Variants in FBXO31 observed in about 807,000 individuals in gnomAD.
The protein encoded by FBXO31 is F-box protein 31, also known as F-box only protein 31.
FBXO31 carries 24 observed loss-of-function variants against 54.4 expected under a neutral mutation model. That is an observed-to-expected ratio of 0.44 (90% confidence interval 0.32 to 0.62). The LOEUF is 0.62. FBXO31 is among the 20% of genes least tolerant of loss of function. The probability of loss-of-function intolerance (pLI) is 0.05; values close to 1 mark genes in which losing one functional copy is unlikely to be tolerated. For missense variants in FBXO31, 665 were observed against 787.1 expected, an observed-to-expected ratio of 0.84 and a Z score of 1.86; for synonymous variants, 388 against 335.6, an observed-to-expected ratio of 1.16 and a Z score of -1.71.
chr16:87,389,001 T>C (rs1464978968), intron 1 of FBXO31, among the ~76,000 whole-genome samples: 2 of 152,192 alleles, frequency 1.3e-5, no homozygotes, highest in Non-Finnish European at 2.9e-5. Context: ...ACTCTGAATA[T>C]TGTTCACTAC....
intron 1 of FBXO31, among the ~76,000 whole-genome samples, chr16:87,369,741 C>A (rs567436715): frequency 1.3e-5 from 2 of 152,278 alleles, no homozygotes; most frequent in African/African-American, 4.8e-5. Flanking sequence ...TTTTTAGGAA[C>A]TACAATACTG....
At chr16:87,378,202 A>G (rs971350497) in intron 1 of FBXO31, among the ~76,000 whole-genome samples, 7 of 152,124 alleles carry the variant, frequency 4.6e-5, no homozygotes, top group Non-Finnish European at 1.0e-4. Flanking sequence ...TCCAGATTAC[A>G]TAAATAAAAT....
chr16:87,350,994 G>A (rs547379190), intron 2 of FBXO31, among the ~76,000 whole-genome samples: 15 of 152,340 alleles, frequency 9.8e-5, no homozygotes, highest in South Asian at 6.2e-4. Flanking sequence ...TGGAAGCAAC[G>A]GCCGCTGCTG....
At chr16:87,380,119 G>A (rs1907009910) in intron 1 of FBXO31, among the ~76,000 whole-genome samples, 1 of 150,734 alleles carries the variant, frequency 6.6e-6, no homozygotes, top group Non-Finnish European at 1.5e-5. Flanking sequence ...CCAACACGGT[G>A]AAACCCCGTC....
intron 2 of FBXO31, 151 bp downstream of exon 2, chr16:87,360,144 A>G: frequency 1.5e-6 from 1 of 683,286 alleles, no homozygotes; most frequent in Middle Eastern, 2.5e-4. Context: ...TAGTGCTGTT[A>G]CTACCAGTGC....
Position 87,336,320 on chromosome 16 carries a change from T to C in FBXO31, c.733-56A>G. On this transcript the variant is annotated intron_variant, in intron 5 of 8. Transcript: ENST00000311635. This position sits in a 1 kb window ranked among gnomAD's most constrained non-coding sequence, Gnocchi z 6.5. Reference sequence around the variant, plus strand: ...ATATGACAGGAGGCTGTGAAGAGGCTGCCGGCTGTGCCGCTGAGAGGACAC... The same window carrying C: ...ATATGACAGGAGGCTGTGAAGAGGCCGCCGGCTGTGCCGCTGAGAGGACAC... 2.0e-6 allele frequency: 3 copies of C among 1,488,960 alleles called. No individual in the cohort carries two copies. Among genetic ancestry groups the C allele is most frequent in the Non-Finnish European group, 2.8e-6 (3 of 1,071,268 alleles). The allele number at this position is 1,488,960 out of a possible 1,614,324, so 92.2% of individuals were successfully genotyped here.
intron 1 of FBXO31, among the ~76,000 whole-genome samples, chr16:87,377,000 A>G (rs1906851277): frequency 6.6e-6 from 1 of 152,266 alleles, no homozygotes; most frequent in South Asian, 2.1e-4. Context: ...AGGCTTGCCC[A>G]CGGTCTGATA....
intron 1 of FBXO31, among the ~76,000 whole-genome samples, chr16:87,373,460 T>A (rs1201512437): frequency 6.6e-6 from 1 of 151,672 alleles, no homozygotes; most frequent in Non-Finnish European, 1.5e-5. Flanking sequence ...TCAAAAAAAA[T>A]AATTATATAT....
rs1907172695 is a variant in FBXO31 at position 87,383,389 on chromosome 16, AC to A, written c.340+15del. On this transcript the variant is annotated intron_variant, in intron 1 of 8. Coordinates refer to ENST00000311635, the MANE Select transcript of FBXO31 (RefSeq NM_024735.5). This position sits in a 1 kb window ranked among gnomAD's most constrained non-coding sequence, Gnocchi z 4.9. ...ACCCCCCGCCCCTCCCGGCCCCGCC[AC>A]CCCCGCGCGCTCACCCTCACGGCAA... 1 of 775,206 alleles carries A rather than the reference AC, an allele frequency of 1.3e-6. No individual in the cohort carries two copies. Among genetic ancestry groups the A allele is most frequent in the East Asian group, 5.6e-5 (1 of 17,830 alleles). The allele number at this position is 775,206 out of a possible 1,614,324, so 48.0% of individuals were successfully genotyped here.
Position 87,383,208 on chromosome 16 carries a change from CA to C in FBXO31, c.340+196del, listed in dbSNP as rs1907161297. Among the ~76,000 whole-genome samples the C allele has an allele frequency of 1.3e-5, 2 of 151,998 alleles. No individual in the cohort carries two copies. The highest frequency in any genetic ancestry group is 4.8e-5 in the African/African-American group (2 of 41,406). On this transcript the variant is annotated intron_variant, in intron 1 of 8. Coordinates refer to ENST00000311635, the MANE Select transcript of FBXO31 (RefSeq NM_024735.5). This position sits in a 1 kb window ranked among gnomAD's most constrained non-coding sequence, Gnocchi z 4.9. ...CCCCTCGGACCCTCCCTAACCGCCT[CA>C]AATACCTCCCTGGCCCCCTCAACGT...
At position 87,379,614 on chromosome 16, in the gene FBXO31, A is replaced by G. The variant is rs374811917; in HGVS notation, c.340+3791T>C. On this transcript the variant is annotated intron_variant, in intron 1 of 8. Coordinates refer to ENST00000311635, the MANE Select transcript of FBXO31 (RefSeq NM_024735.5). The stretch of plus-strand genomic sequence containing the variant: ...GGCCACTAAAGCCAGGAAGTCACCT[A>G]GCTGCTCTTAACACTGCATACCTGT... 6.6e-5 allele frequency among the ~76,000 whole-genome samples: 10 copies of G among 152,310 alleles called. No homozygotes were observed. In the East Asian group the frequency reaches 1.2e-3, roughly 18 times the overall value.
intron 2 of FBXO31, among the ~76,000 whole-genome samples, chr16:87,353,360 C>G (rs1340547274): frequency 1.3e-5 from 2 of 152,230 alleles, no homozygotes; most frequent in African/African-American, 4.8e-5. Context: ...ACTGTGGAGG[C>G]TGGGCTGAGT....
In FBXO31 at chr16:87,335,578, G is replaced by A. The variant is rs932502884; in HGVS notation, c.843-121C>T. 3 of 1,148,860 alleles carry A rather than the reference G, an allele frequency of 2.6e-6. No homozygotes were observed. The highest frequency in any genetic ancestry group is 3.1e-5 in the African/African-American group (2 of 64,864). 71.2% of individuals were successfully genotyped at this position (1,148,860 alleles called of 1,614,324 possible). A position where few individuals can be genotyped will look rare whatever the true frequency, so the allele number is the denominator to read the frequency against. ...AGGGCGGGCAGCTCAGCTCAACCAG[G>A]GCCAGGTGTCCACCAGGCCTGTGGG... On this transcript the variant is annotated intron_variant, in intron 6 of 8. Coordinates refer to ENST00000311635, the MANE Select transcript of FBXO31 (RefSeq NM_024735.5). This position sits in a 1 kb window ranked among gnomAD's most constrained non-coding sequence, Gnocchi z 5.7.
rs971369623 is a variant in FBXO31, at chr16:87,335,229, C to G, written c.996+75G>C. On this transcript the variant is annotated intron_variant, in intron 7 of 8. Coordinates refer to ENST00000311635, the MANE Select transcript of FBXO31 (RefSeq NM_024735.5). The surrounding 1 kb of genome is among the most constrained non-coding windows in gnomAD (Gnocchi z 5.7). ...AGGGTGCCGGGGATCAGTGTCTGCC[C>G]AAGTTCCCTGACTCCACAGCCCACT... The G allele has an allele frequency of 2.4e-5, 39 of 1,595,748 alleles. No individual in the cohort carries two copies. The highest frequency in any genetic ancestry group is 3.3e-5 in the Non-Finnish European group (39 of 1,174,288).
At chr16:87,380,133 A>G (rs938468494) in intron 1 of FBXO31, among the ~76,000 whole-genome samples, 1 of 151,636 alleles carries the variant, frequency 6.6e-6, no homozygotes. Context: ...CCCCGTCTCT[A>G]CTAAAAATAC....
In FBXO31 at chr16:87,336,406, G is replaced by A. The variant is rs1265530773; in HGVS notation, c.733-142C>T. 1.4e-6 allele frequency: 1 copy of A among 690,128 alleles called. No individual in the cohort carries two copies. Among genetic ancestry groups the A allele is most frequent in the Non-Finnish European group, 2.5e-6 (1 of 402,608 alleles). The allele number at this position is 690,128 out of a possible 1,614,324, so 42.8% of individuals were successfully genotyped here. On this transcript the variant is annotated intron_variant, in intron 5 of 8. Transcript: ENST00000311635. The surrounding 1 kb of genome is among the most constrained non-coding windows in gnomAD (Gnocchi z 6.5). Reference sequence around the variant, plus strand: ...AGGGCCCTCTTGGTGGGGGAGGATGGACTTGGCGCTGGGAAGAGAAAGGGG... The same window carrying A: ...AGGGCCCTCTTGGTGGGGGAGGATGAACTTGGCGCTGGGAAGAGAAAGGGG...
At chr16:87,343,029 G>T in intron 4 of FBXO31, 78 bp from the exon 5 acceptor site, 2 of 1,269,770 alleles carry the variant, frequency 1.6e-6, no homozygotes, top group Non-Finnish European at 2.2e-6. Flanking sequence ...CAGGCAGGTG[G>T]CCACGACCCC....
intron 2 of FBXO31, among the ~76,000 whole-genome samples, chr16:87,357,579 C>T (rs1435814939): frequency 5.9e-5 from 9 of 152,040 alleles, no homozygotes; most frequent in African/African-American, 1.7e-4. Context: ...CCACCTGCCT[C>T]GGCCTCCCAA....
Position 87,358,671 on chromosome 16 carries a change from C to T in FBXO31, c.412+1624G>A, listed in dbSNP as rs1368856021. Among the ~76,000 whole-genome samples, 2 of 152,166 alleles carry T rather than the reference C, an allele frequency of 1.3e-5. No homozygotes were observed. Among genetic ancestry groups the T allele is most frequent in the East Asian group, 3.9e-4 (2 of 5,194 alleles). On this transcript the variant is annotated intron_variant, in intron 2 of 8. Coordinates refer to ENST00000311635, the MANE Select transcript of FBXO31 (RefSeq NM_024735.5). This position sits in a 1 kb window ranked among gnomAD's most constrained non-coding sequence, Gnocchi z 4.0. ...CTGAGAAACCTGCTGGAGAGAACAACACTGTGACACGTTTTCCTTCCATCA... is the reference window on the plus strand; with the variant it reads ...CTGAGAAACCTGCTGGAGAGAACAATACTGTGACACGTTTTCCTTCCATCA...
Sources: allele counts gnomAD v4.1 joint callset (sites outside exome capture counted in the v4.1 genomes callset), GRCh38; gene constraint gnomAD v4.1.1; non-coding constraint Gnocchi (gnomAD v3.1); transcripts MANE v1.5; gene names NCBI Gene and HGNC (gene_info 2026-07-23, HGNC 2026-07-21).